Variants in TYW1 observed in about 807,000 individuals in gnomAD.
The protein encoded by TYW1 is S-adenosyl-L-methionine-dependent tRNA 4-demethylwyosine synthase TYW1.
A neutral mutation model predicts 96.2 loss-of-function variants in TYW1; 46 were observed. That is an observed-to-expected ratio of 0.48 (90% CI 0.38 to 0.61). The LOEUF is 0.61. Among genes scored for constraint, TYW1 ranks in the 20% least tolerant of loss-of-function variants. The probability of loss-of-function intolerance (pLI) is 0.00; values close to 1 mark genes in which losing one functional copy is unlikely to be tolerated. For missense variants in TYW1, 684 were observed against 909.6 expected (o/e 0.75, Z 3.19); for synonymous variants, 274 against 323.0 (o/e 0.85, Z 1.63).
chr7:67,109,508 A>G (rs1201645639), intron 12 of TYW1, among the ~76,000 whole-genome samples: 1 of 152,144 alleles, frequency 6.6e-6, no homozygotes, highest in Admixed American at 6.6e-5. Flanking sequence ...TCACGAAAAA[A>G]TGGTTGCATC....
At chr7:66,997,571 AAC>A (rs1793222015) in intron 1 of TYW1, among the ~76,000 whole-genome samples, 1 of 152,188 alleles carries the variant, frequency 6.6e-6, no homozygotes, top group African/African-American at 2.4e-5. Flanking sequence ...AGTTAGTGTT[AAC>A]AGTGTGATAA....
At chr7:67,235,201 A>C (rs1415571505) in intron 15 of TYW1, among the ~76,000 whole-genome samples, 5 of 152,200 alleles carry the variant, frequency 3.3e-5, no homozygotes, top group Non-Finnish European at 7.3e-5. Flanking sequence ...AGACTCCTCT[A>C]CAGGGCCAAG....
At chr7:67,230,716 G>A (rs1402486930) in intron 15 of TYW1, among the ~76,000 whole-genome samples, 6 of 145,780 alleles carry the variant, frequency 4.1e-5, no homozygotes, top group Non-Finnish European at 8.9e-5. Flanking sequence ...GCAGTGGCGC[G>A]ATCTCGGCTC....
intron 13 of TYW1, among the ~76,000 whole-genome samples, chr7:67,154,931 A>T (rs1343826790): frequency 6.6e-6 from 1 of 152,176 alleles, no homozygotes; most frequent in African/African-American, 2.4e-5. Flanking sequence ...CTTCGAGTTC[A>T]GAAGTTCTTT....
chr7:67,208,689 CAAA>C (rs10623787), intron 15 of TYW1, among the ~76,000 whole-genome samples: 5 of 76,188 alleles, frequency 6.6e-5, no homozygotes, highest in Non-Finnish European at 5.3e-5. Context: ...GACGCTGTCT[CAAA>C]AAAAAAAAAA....
intron 13 of TYW1, among the ~76,000 whole-genome samples, chr7:67,172,402 T>C (rs1401023372): frequency 6.6e-6 from 1 of 151,198 alleles, no homozygotes; most frequent in African/African-American, 2.4e-5. Context: ...TTTTGCATAT[T>C]TTTTGAACCC....
chr7:67,002,856 C>CTTTTTTTT (rs547425705), intron 3 of TYW1, among the ~76,000 whole-genome samples: 3 of 110,886 alleles, frequency 2.7e-5, no homozygotes, highest in East Asian at 2.3e-4. Flanking sequence ...TTTCTTTTTT[C>CTTTTTTTT]TTTTTTTTTT....
At chr7:67,172,628 G>T (rs1416911141) in intron 13 of TYW1, among the ~76,000 whole-genome samples, 1 of 151,992 alleles carries the variant, frequency 6.6e-6, no homozygotes, top group East Asian at 1.9e-4. Context: ...TCACCATGTT[G>T]GCCAGGCTTG....
At chr7:67,157,251 T>C (rs1412122729) in intron 13 of TYW1, among the ~76,000 whole-genome samples, 2 of 152,242 alleles carry the variant, frequency 1.3e-5, no homozygotes, top group Non-Finnish European at 2.9e-5. Flanking sequence ...TTTACATTAC[T>C]ATGGTACATT....
At chr7:67,057,993 G>A (rs1025024424) in intron 9 of TYW1, among the ~76,000 whole-genome samples, 4 of 152,096 alleles carry the variant, frequency 2.6e-5, no homozygotes, top group African/African-American at 9.7e-5. Context: ...TTTTCTTCTA[G>A]AAGCTTCGTC....
At chr7:67,118,064 C>T (rs1349620855) in intron 13 of TYW1, among the ~76,000 whole-genome samples, 6 of 152,204 alleles carry the variant, frequency 3.9e-5, no homozygotes, top group African/African-American at 7.2e-5. Flanking sequence ...TTCATGCCTG[C>T]CTGCAAACCC....
intron 12 of TYW1, among the ~76,000 whole-genome samples, chr7:67,099,010 T>A (rs1277512731): frequency 2.7e-5 from 4 of 148,690 alleles, no homozygotes; most frequent in Admixed American, 2.0e-4. Context: ...AAGCTGTCAT[T>A]TATTTTATTT....
At chr7:67,001,396 ATTTAT>A (rs1392726079) in intron 3 of TYW1, among the ~76,000 whole-genome samples, 2 of 150,972 alleles carry the variant, frequency 1.3e-5, no homozygotes, top group Non-Finnish European at 1.5e-5. Flanking sequence ...ATTTATTTTT[ATTTAT>A]TTTATTTTAT....
At chr7:67,147,876 A>G (rs1210698567) in intron 13 of TYW1, among the ~76,000 whole-genome samples, 1 of 152,160 alleles carries the variant, frequency 6.6e-6, no homozygotes, top group Non-Finnish European at 1.5e-5. Flanking sequence ...TCTAAGAAAT[A>G]GCAAAATAAG....
intron 3 of TYW1, among the ~76,000 whole-genome samples, chr7:67,002,779 C>A (rs554924882): frequency 6.6e-6 from 1 of 151,222 alleles, no homozygotes; most frequent in African/African-American, 2.4e-5. Context: ...GGATGTTCTA[C>A]CTTTTGGATC....
chr7:67,208,584 G>A (rs1343636133), intron 15 of TYW1, among the ~76,000 whole-genome samples: 1 of 151,678 alleles, frequency 6.6e-6, no homozygotes, highest in Non-Finnish European at 1.5e-5. Context: ...CAGCTATTCA[G>A]GAGGCTGAGG....
At chr7:67,007,121 G>A (rs910512774) in intron 3 of TYW1, among the ~76,000 whole-genome samples, 6 of 151,974 alleles carry the variant, frequency 3.9e-5, no homozygotes, top group African/African-American at 1.5e-4. Flanking sequence ...GAAAGCTTTA[G>A]CCTCTGATGG....
intron 11 of TYW1, among the ~76,000 whole-genome samples, chr7:67,091,880 G>C (rs1338948807): frequency 6.6e-6 from 1 of 152,068 alleles, no homozygotes; most frequent in African/African-American, 2.4e-5. Flanking sequence ...TTGTCTAAAT[G>C]GGGGAATATG....
intron 10 of TYW1, among the ~76,000 whole-genome samples, chr7:67,080,402 CTT>C (rs370544344): frequency 1.4e-4 from 20 of 141,494 alleles, no homozygotes; most frequent in Admixed American, 1.4e-4. Context: ...CTCTTGCTTA[CTT>C]TTTTTTTTTT....
Sources: gnomAD v4.1 joint callset for allele counts (sites outside exome capture counted in the v4.1 genomes callset) on GRCh38, gnomAD v4.1.1 for gene constraint, MANE v1.5 for transcripts, NCBI Gene and HGNC (gene_info 2026-07-23, HGNC 2026-07-21) for gene names.